Variants in CDH4 observed in about 807,000 individuals in gnomAD.
CDH4 encodes the protein cadherin 4.
CDH4 carries 33 observed loss-of-function variants against 86.0 expected under a neutral mutation model. The ratio of observed to expected loss-of-function variants is 0.38; its 90% CI spans 0.29 to 0.51. CDH4 has a LOEUF of 0.51. Among genes scored for constraint, CDH4 ranks in the 20% least tolerant of loss-of-function variants. The probability of loss-of-function intolerance (pLI) is 0.86; values close to 1 mark genes in which losing one functional copy is unlikely to be tolerated. For synonymous variants in CDH4, 555 were observed against 549.4 expected (o/e 1.01, Z -0.14); for missense variants, 1,114 against 1,307.4 (o/e 0.85, Z 2.28).
intron 2 of CDH4, chr20:61,499,370 C>G: frequency 2.8e-6 from 3 of 1,052,822 alleles, no homozygotes; most frequent in Non-Finnish European, 3.9e-6. Context: ...GTGCCTCTTG[C>G]TCTGCCCTGT....
chr20:61,788,245 G>T (rs1978989412), intron 4 of CDH4, among the ~76,000 whole-genome samples: 1 of 152,188 alleles, frequency 6.6e-6, no homozygotes, highest in African/African-American at 2.4e-5. Context: ...TTCTACTCAT[G>T]AGCATGGGGT....
chr20:61,274,245 GTA>G (rs2084210309), intron 2 of CDH4, among the ~76,000 whole-genome samples: 1 of 139,154 alleles, frequency 7.2e-6, no homozygotes, highest in Non-Finnish European at 1.5e-5. Context: ...AGAGTACCAT[GTA>G]CAGTTTGGGG....
Position 61,399,289 on chromosome 20 carries a change from T to C in CDH4, c.169+144352T>C, listed in dbSNP as rs1286460838. Among the ~76,000 whole-genome samples the C allele has an allele frequency of 3.7e-5, 4 of 107,700 alleles. 1 individual carries two copies. Among genetic ancestry groups the C allele is most frequent in the East Asian group, 3.0e-4 (1 of 3,386 alleles). 70.7% of individuals were successfully genotyped at this position (107,700 alleles called of 152,430 possible). On this transcript the variant is annotated intron_variant, in intron 2 of 15. Transcript: ENST00000614565. ...CTGGGACTACAGGCGCCCGCCACCA[T>C]GCCCGGCTAATTTTTTGTATTTTTA...
At position 61,754,238 on chromosome 20, in the gene CDH4, T is replaced by C. The variant is rs1190620023; in HGVS notation, c.396+10449T>C. ...TAAATCTCTGTCTCAGCCCACTGGC[T>C]TGTGGACCAGAGCCTTTCAGCCGAG... On this transcript the variant is annotated intron_variant, in intron 3 of 15. Transcript: ENST00000614565. The surrounding 1 kb of genome is among the most constrained non-coding windows in gnomAD (Gnocchi z 4.7). 1.3e-5 allele frequency among the ~76,000 whole-genome samples: 2 copies of C among 152,188 alleles called. No homozygotes were observed. The highest frequency in any genetic ancestry group is 2.9e-5 in the Non-Finnish European group (2 of 68,036).
At chr20:61,797,218 C>T (rs1979579799) in intron 4 of CDH4, among the ~76,000 whole-genome samples, 2 of 152,106 alleles carry the variant, frequency 1.3e-5, no homozygotes, top group South Asian at 2.1e-4. Context: ...GAAGGGTTCA[C>T]ACCATCCATT....
intron 4 of CDH4, among the ~76,000 whole-genome samples, chr20:61,788,232 T>C (rs1025150042): frequency 3.3e-5 from 5 of 152,140 alleles, no homozygotes; most frequent in Non-Finnish European, 7.3e-5. Flanking sequence ...AGGCTCTCTT[T>C]GATTCTACTC....
At chr20:61,793,942 T>C (rs1194138256) in intron 4 of CDH4, among the ~76,000 whole-genome samples, 1 of 145,088 alleles carries the variant, frequency 6.9e-6, no homozygotes, top group Non-Finnish European at 1.5e-5. Flanking sequence ...ATAGAGAGCA[T>C]CCTGACTAAC....
intron 8 of CDH4, among the ~76,000 whole-genome samples, chr20:61,908,750 G>T (rs770439191): frequency 6.6e-6 from 1 of 152,290 alleles, no homozygotes; most frequent in Non-Finnish European, 1.5e-5. Flanking sequence ...CTTTCTTACC[G>T]AAGGGACAGC....
intron 2 of CDH4, among the ~76,000 whole-genome samples, chr20:61,343,970 C>T (rs6513576): frequency 0.24 from 35,995 of 151,870 alleles, 4,769 homozygotes; most frequent in African/African-American, 0.37. Context: ...ACTGACTTCA[C>T]TTGGATTTAA....
chr20:61,389,352 C>T (rs960676259), intron 2 of CDH4, among the ~76,000 whole-genome samples: 1 of 152,246 alleles, frequency 6.6e-6, no homozygotes, highest in Non-Finnish European at 1.5e-5. Context: ...TCTGGCACTT[C>T]GCACAGCTCC....
intron 2 of CDH4, among the ~76,000 whole-genome samples, chr20:61,344,932 T>C (rs142640394): frequency 1.3e-5 from 2 of 152,336 alleles, no homozygotes; most frequent in East Asian, 3.9e-4. Context: ...GCGCCGGCTA[T>C]TGACCCGCAG....
intron 4 of CDH4, among the ~76,000 whole-genome samples, chr20:61,805,705 T>C (rs1980088491): frequency 6.6e-6 from 1 of 152,160 alleles, no homozygotes; most frequent in African/African-American, 2.4e-5. Flanking sequence ...GGGCAGTGTA[T>C]TGGGAGATGC....
chr20:61,924,306 C>T, intron 10 of CDH4, 28 bp from the exon 11 acceptor site: 1 of 1,142,414 alleles, frequency 8.8e-7, no homozygotes, highest in East Asian at 3.3e-5. Flanking sequence ...CCCAGCCTTA[C>T]CTCCCCCTGC....
intron 2 of CDH4, among the ~76,000 whole-genome samples, chr20:61,692,205 ATGTC>A (rs947773491): frequency 6.8e-6 from 1 of 147,138 alleles, no homozygotes; most frequent in African/African-American, 2.6e-5. Context: ...GTTTGTGTGT[ATGTC>A]TATGTATGTA....
intron 2 of CDH4, among the ~76,000 whole-genome samples, chr20:61,311,333 G>T (rs2084444502): frequency 6.6e-6 from 1 of 152,262 alleles, no homozygotes; most frequent in Middle Eastern, 3.4e-3. Context: ...AAATATTTTA[G>T]AAATAAATTT....
intron 2 of CDH4, among the ~76,000 whole-genome samples, chr20:61,521,846 AACGGCC>A (rs1215933112): frequency 2.6e-5 from 4 of 152,194 alleles, no homozygotes; most frequent in Non-Finnish European, 5.9e-5. Context: ...CAGGCAGTGC[AACGGCC>A]GGCCTGTGCT....
At position 61,743,776 on chromosome 20, in the gene CDH4, A is replaced by C. The variant is rs1392067990; in HGVS notation, c.383A>C (p.His128Pro). The C allele has an allele frequency of 6.2e-7, 1 of 1,600,154 alleles. No individual in the cohort carries two copies. The highest frequency in any genetic ancestry group is 8.5e-7 in the Non-Finnish European group (1 of 1,173,796). Reference sequence around the variant, plus strand: ...CTGGTGGCCCAGACCTCGTCCCCGCACTCTGGACACAAGGTAAGGTGTGAC... The same window carrying C: ...CTGGTGGCCCAGACCTCGTCCCCGCCCTCTGGACACAAGGTAAGGTGTGAC... ...RLLVAQTSSP[H>P]SGHKPQKGKK... The change falls in exon 3 of 16, where the codon CAC (histidine) becomes CCC (proline). Residue 128 changes from histidine (H) to proline (P), a missense_variant. This residue lies in a region of CDH4 where 221 missense variants were observed against 209.5 expected (regional missense o/e 1.05). Coordinates refer to ENST00000614565, the MANE Select transcript of CDH4 (RefSeq NM_001794.5).
intron 2 of CDH4, among the ~76,000 whole-genome samples, chr20:61,375,580 GTCATA>G (rs2084862999): frequency 3.5e-5 from 3 of 84,744 alleles, no homozygotes; most frequent in Non-Finnish European, 7.0e-5. Context: ...GCTGGTGGTG[GTCATA>G]GCACTGGTGG....
chr20:61,372,527 A>G (rs1429919595), intron 2 of CDH4, among the ~76,000 whole-genome samples: 1 of 152,188 alleles, frequency 6.6e-6, no homozygotes. Context: ...TATTTCAGTA[A>G]AGGGTGACAT....
Sources: gnomAD v4.1 joint callset for allele counts (sites outside exome capture counted in the v4.1 genomes callset) on GRCh38, gnomAD v4.1.1 for gene constraint, gnomAD v4.1.1 regional missense constraint, Gnocchi (gnomAD v3.1) non-coding constraint, MANE v1.5 for transcripts, NCBI Gene and HGNC (gene_info 2026-07-23, HGNC 2026-07-21) for gene names.